ZNF410: variants seen among roughly 807,000 people sequenced by gnomAD.
The protein encoded by ZNF410 is zinc finger protein 410.
In ZNF410, 18 loss-of-function variants were observed where a neutral mutation model predicts 54.8. The ratio of observed to expected loss-of-function variants is 0.33; its 90% CI spans 0.23 to 0.49. The LOEUF is 0.49. Ranked by LOEUF, ZNF410 falls within the 20% of genes least tolerant of loss-of-function variation. The pLI, the probability that ZNF410 is intolerant of heterozygous loss-of-function variation, is 0.99. For synonymous variants in ZNF410, 191 were observed against 207.3 expected, an observed-to-expected ratio of 0.92 and a Z score of 0.68; for missense variants, 405 against 569.6, an observed-to-expected ratio of 0.71 and a Z score of 2.94.
At chr14:73,887,976 G>T (rs529667620) in intron 1 of ZNF410, among the ~76,000 whole-genome samples, 1 of 152,160 alleles carries the variant, frequency 6.6e-6, no homozygotes, top group East Asian at 1.9e-4. Flanking sequence ...TTGAATGGCT[G>T]CATAAAGGAT....
At chr14:73,894,176 C>G (rs2055275023) in intron 3 of ZNF410, among the ~76,000 whole-genome samples, 1 of 152,004 alleles carries the variant, frequency 6.6e-6, no homozygotes, top group South Asian at 2.1e-4. Flanking sequence ...CTATGGAACT[C>G]TTTATTTAAG....
intron 11 of ZNF410, 50 bp downstream of exon 11, chr14:73,923,572 G>A (rs373684479): frequency 6.3e-7 from 1 of 1,575,336 alleles, no homozygotes; most frequent in Non-Finnish European, 8.6e-7. Flanking sequence ...TGTGGGGAAT[G>A]ATTGAGAATT....
intron 8 of ZNF410, among the ~76,000 whole-genome samples, chr14:73,918,085 T>A (rs2055695973): frequency 2.0e-5 from 3 of 152,138 alleles, no homozygotes; most frequent in Admixed American, 2.0e-4. Flanking sequence ...GTTATTTGTA[T>A]TTTTTATTGC....
chr14:73,900,763 G>A (rs200814750), intron 5 of ZNF410, among the ~76,000 whole-genome samples: 7 of 149,930 alleles, frequency 4.7e-5, no homozygotes, highest in East Asian at 3.9e-4. Context: ...CTGTGGGCAC[G>A]TGTGGCCCAG....
At chr14:73,917,479 GTTAT>G (rs751066398) in intron 8 of ZNF410, among the ~76,000 whole-genome samples, 1 of 151,984 alleles carries the variant, frequency 6.6e-6, no homozygotes, top group Non-Finnish European at 1.5e-5. Flanking sequence ...GCAAATGCAG[GTTAT>G]TTAAGTTGAG....
chr14:73,893,746 G>C, intron 2 of ZNF410, 51 bp from the exon 3 acceptor site: 2 of 1,561,584 alleles, frequency 1.3e-6, no homozygotes, highest in Non-Finnish European at 1.7e-6. Flanking sequence ...CAAAGGTTTA[G>C]ATACATTTCT....
In ZNF410 at chr14:73,894,720, C is replaced by G. The variant is rs552421819; in HGVS notation, c.169+788C>G. ...GAGATTACAGGCGTGAGCCACTGCGCCAGGCCTATCAATACATACTTTCTA... is the reference window on the plus strand; with the variant it reads ...GAGATTACAGGCGTGAGCCACTGCGGCAGGCCTATCAATACATACTTTCTA... On this transcript the variant is annotated intron_variant, in intron 3 of 11. Coordinates refer to ENST00000555044, the MANE Select transcript of ZNF410 (RefSeq NM_021188.3). 3.9e-5 allele frequency among the ~76,000 whole-genome samples: 6 copies of G among 152,252 alleles called. 1 individual carries two copies. The South Asian group carries it at 1.0e-3, about 26-fold the overall frequency.
chr14:73,891,739 C>G, intron 1 of ZNF410: 1 of 374,004 alleles, frequency 2.7e-6, no homozygotes, highest in South Asian at 3.6e-5. Flanking sequence ...ACATTGCTTC[C>G]AGTTGTTTAT....
At chr14:73,923,346 G>GT (rs2055781533) in intron 10 of ZNF410, 49 bp from the exon 11 acceptor site, 1 of 1,592,506 alleles carries the variant, frequency 6.3e-7, no homozygotes, top group Admixed American at 1.7e-5. Context: ...CCAGATAGGT[G>GT]TATCTCTGGA....
chr14:73,909,300 T>C (rs374631999), intron 7 of ZNF410, 41 bp from the exon 8 acceptor site: 2 of 1,539,482 alleles, frequency 1.3e-6, no homozygotes, highest in African/African-American at 2.7e-5. Context: ...GGTAATCAGT[T>C]CATCAGAAGA....
chr14:73,891,163 T>A (rs1233490081), intron 1 of ZNF410, among the ~76,000 whole-genome samples: 2 of 152,104 alleles, frequency 1.3e-5, no homozygotes, highest in Non-Finnish European at 2.9e-5. Context: ...ATTGGAAAAT[T>A]GAGAAAAGAA....
chr14:73,910,510 G>A (rs1016507975), intron 8 of ZNF410, among the ~76,000 whole-genome samples: 19 of 152,108 alleles, frequency 1.2e-4, no homozygotes, highest in African/African-American at 3.4e-4. Context: ...TTGGGAGGCC[G>A]AGGCAGGTGG....
chr14:73,905,030 G>C lies in ZNF410; in HGVS notation c.860G>C (p.Gly287Ala). 6.2e-7 allele frequency: 1 copy of C among 1,613,968 alleles called. No individual in the cohort carries two copies. Among genetic ancestry groups the C allele is most frequent in the Non-Finnish European group, 8.5e-7 (1 of 1,180,014 alleles). ...TTTATGTGCCATGAGTCTGGCTGTG[G>C]TAAGCAGTTTACTACAGCTGGAAAC... Reference protein sequence around the residue: ...KPFMCHESGCGKQFTTAGNLK... With the variant: ...KPFMCHESGCAKQFTTAGNLK... The change falls in exon 7 of 12, where the codon GGT becomes GCT. Residue 287 changes from glycine (G) to alanine (A), a missense_variant. By Grantham distance (60) the Gly-to-Ala change is moderately conservative. Transcript: ENST00000555044.
At chr14:73,920,943 CT>C in intron 8 of ZNF410, 36 bp from the exon 9 acceptor site, 1 of 1,612,318 alleles carries the variant, frequency 6.2e-7, no homozygotes, top group Non-Finnish European at 8.5e-7. Flanking sequence ...TCTTCCTGTC[CT>C]TTTGGCTTCC....
Position 73,922,211 on chromosome 14 carries a change from G to C in ZNF410, c.1270+5G>C. 1 of 1,612,562 alleles carries C rather than the reference G, an allele frequency of 6.2e-7. No individual in the cohort carries two copies. Among genetic ancestry groups the C allele is most frequent in the Non-Finnish European group, 8.5e-7 (1 of 1,179,356 alleles). ...CTATCCTGGGAGTTGATGATGGTAAGACTTCCAACTCTCCTTTATTTGGGA... is the reference window on the plus strand; with the variant it reads ...CTATCCTGGGAGTTGATGATGGTAACACTTCCAACTCTCCTTTATTTGGGA... On this transcript the variant is annotated splice_donor_5th_base_variant and intron_variant, in intron 10 of 11. Coordinates refer to ENST00000555044, the MANE Select transcript of ZNF410 (RefSeq NM_021188.3).
chr14:73,891,890 A>G, intron 1 of ZNF410, 137 bp from the exon 2 acceptor site: 1 of 600,732 alleles, frequency 1.7e-6, no homozygotes, highest in Non-Finnish European at 2.9e-6. Flanking sequence ...TTGTATTTTA[A>G]AAGAAGTGTT....
At chr14:73,931,414 A>C (rs1594772814) in intron 11 of ZNF410, 89 bp from the exon 12 acceptor site, 1 of 1,178,510 alleles carries the variant, frequency 8.5e-7, no homozygotes, top group East Asian at 2.6e-5. Context: ...TGCATTCTCC[A>C]TCCTCCACTC....
chr14:73,890,698 TA>T (rs1488549086), intron 1 of ZNF410, among the ~76,000 whole-genome samples: 2 of 152,032 alleles, frequency 1.3e-5, no homozygotes, highest in African/African-American at 4.8e-5. Context: ...GAAACTAAGC[TA>T]TAAGAAAGTA....
chr14:73,923,597 A>T, intron 11 of ZNF410, 75 bp downstream of exon 11: 2 of 1,524,328 alleles, frequency 1.3e-6, no homozygotes, highest in South Asian at 2.6e-5. Flanking sequence ...GGACCTGAAA[A>T]AGTCTCCAGT....
Sources: gnomAD v4.1 joint callset for allele counts (sites outside exome capture counted in the v4.1 genomes callset) on GRCh38, gnomAD v4.1.1 for gene constraint, MANE v1.5 for transcripts, NCBI Gene and HGNC (gene_info 2026-07-23, HGNC 2026-07-21) for gene names.